The following PURG variants were observed in gnomAD, a reference collection of about 807,000 sequenced individuals.
PURG encodes purine-rich element-binding protein gamma.
Under a neutral mutation model 24.3 loss-of-function variants are expected in PURG, and 3 were observed. That is an observed-to-expected ratio of 0.12 (90% CI 0.06 to 0.32). PURG has a LOEUF of 0.32. Among genes scored for constraint, PURG ranks in the 10% least tolerant of loss-of-function variants. The pLI is 1.00. For synonymous variants in PURG, 180 were observed against 173.1 expected, an observed-to-expected ratio of 1.04 and a Z score of -0.31; for missense variants, 371 against 439.1, an observed-to-expected ratio of 0.84 and a Z score of 1.39.
downstream of PURG, among the ~76,000 whole-genome samples, chr8:31,027,968 C>G (rs1248705292): frequency 6.6e-6 from 1 of 151,670 alleles, no homozygotes; most frequent in African/African-American, 2.4e-5. Context: ...TCTGAATGTT[C>G]TTTAAATAAT....
chr8:31,005,771 C>CTTTTTTTTT (rs67428647), intron 1 of PURG, among the ~76,000 whole-genome samples: 3 of 142,164 alleles, frequency 2.1e-5, no homozygotes, highest in African/African-American at 5.3e-5. Context: ...TTTCTTTTTT[C>CTTTTTTTTT]TTTTTTTTTT....
intron 1 of PURG, among the ~76,000 whole-genome samples, chr8:31,010,093 TC>T (rs1810736478): frequency 6.6e-6 from 1 of 151,892 alleles, no homozygotes; most frequent in Admixed American, 6.6e-5. Context: ...CAAGACCCTG[TC>T]TTGAAAAAAT....
intron 1 of PURG, among the ~76,000 whole-genome samples, chr8:31,004,043 T>A (rs1224945751): frequency 2.0e-5 from 3 of 152,216 alleles, no homozygotes; most frequent in Non-Finnish European, 4.4e-5. Context: ...ACCCTTTAGA[T>A]TTGTTGATAC....
intron 1 of PURG, among the ~76,000 whole-genome samples, chr8:31,003,384 C>T (rs934024510): frequency 1.7e-5 from 2 of 120,840 alleles, no homozygotes; most frequent in Admixed American, 8.6e-5. Context: ...CTTTTGGGTA[C>T]CATTATTTTT....
At chr8:31,023,351 T>C (rs373462797) in intron 1 of PURG, among the ~76,000 whole-genome samples, 15 of 152,016 alleles carry the variant, frequency 9.9e-5, no homozygotes, top group African/African-American at 3.6e-4. Context: ...CACTTGAAAA[T>C]ACACTTCAGT....
At chr8:31,023,921 A>C (rs1217011066) in intron 1 of PURG, among the ~76,000 whole-genome samples, 1 of 152,224 alleles carries the variant, frequency 6.6e-6, no homozygotes, top group African/African-American at 2.4e-5. Context: ...TCAGGAAGTG[A>C]TATTAATCTG....
At chr8:31,030,131 G>T (rs937961115), downstream of PURG, among the ~76,000 whole-genome samples, 1 of 151,870 alleles carries the variant, frequency 6.6e-6, no homozygotes, top group South Asian at 2.1e-4. Flanking sequence ...GTGACCTCAC[G>T]TAAAGGTATT....
intron 1 of PURG, among the ~76,000 whole-genome samples, chr8:31,005,438 CAA>C (rs55751618): frequency 7.4e-6 from 1 of 135,142 alleles, no homozygotes; most frequent in African/African-American, 3.0e-5. Context: ...GTCACCAAAA[CAA>C]AAAAAAAAAG....
intron 1 of PURG, among the ~76,000 whole-genome samples, chr8:31,010,863 T>A (rs1423634656): frequency 2.6e-5 from 4 of 152,330 alleles, no homozygotes; most frequent in African/African-American, 9.6e-5. Context: ...ACATTCTTTT[T>A]ATATTTAATT....
chr8:31,001,647 T>C lies in PURG; in HGVS notation c.865-4950A>G, dbSNP rs191996077. Among the ~76,000 whole-genome samples, 384 of 152,304 alleles carry C rather than the reference T, an allele frequency of 2.5e-3. 1 individual carries two copies. The highest frequency in any genetic ancestry group is 8.7e-3 in the African/African-American group (363 of 41,566). On this transcript the variant is annotated intron_variant, in intron 1 of 1. Coordinates refer to the PURG transcript ENST00000339382. ...GCAAAATAAATATCTATTGATTTAA[T>C]GAATGAATGAGAAATGAGACTGAGA...
chr8:31,002,078 C>A (rs1810547853), intron 1 of PURG, among the ~76,000 whole-genome samples: 1 of 152,114 alleles, frequency 6.6e-6, no homozygotes, highest in Non-Finnish European at 1.5e-5. Context: ...CTCATAGCTG[C>A]AATCATTAAC....
chr8:31,027,328 G>A (rs1436618725), downstream of PURG, among the ~76,000 whole-genome samples: 1 of 151,386 alleles, frequency 6.6e-6, no homozygotes, highest in Non-Finnish European at 1.5e-5. Flanking sequence ...CTTACATAAA[G>A]CTTTGAATAG....
chr8:31,023,385 A>G (rs1172987628), intron 1 of PURG, among the ~76,000 whole-genome samples: 2 of 152,126 alleles, frequency 1.3e-5, no homozygotes, highest in Non-Finnish European at 2.9e-5. Flanking sequence ...AGTCTCTGAT[A>G]AACAAATAGG....
At chr8:31,022,705 A>T (rs1563309013) in intron 1 of PURG, among the ~76,000 whole-genome samples, 1 of 152,238 alleles carries the variant, frequency 6.6e-6, no homozygotes, top group Non-Finnish European at 1.5e-5. Context: ...TTTACAACTG[A>T]TTATAACATG....
At position 31,032,166 on chromosome 8, in the gene PURG, G is replaced by C; in HGVS notation, c.617C>G (p.Thr206Ser). ...GTGGCCAAAATAACCTATCATGCCAGTCCCCCGCATCATGGTTTGTCTAAT... is the reference window on the plus strand; with the variant it reads ...GTGGCCAAAATAACCTATCATGCCACTCCCCCGCATCATGGTTTGTCTAAT... ...LRIRQTMMRG[T>S]GMIGYFGHSL... is the part of the protein sequence containing the mutation. The change falls in exon 2 of 2, where the codon ACT becomes AGT. Residue 206 changes from threonine to serine, a missense_variant. By Grantham distance (58) the Thr-to-Ser change is moderately conservative (BLOSUM62 1). Transcript: ENST00000523392. The surrounding 1 kb of genome is among the most constrained non-coding windows in gnomAD (Gnocchi z 5.9). 6.2e-7 allele frequency: 1 copy of C among 1,614,180 alleles called. No homozygotes were observed. The highest frequency in any genetic ancestry group is 8.5e-7 in the Non-Finnish European group (1 of 1,180,012).
rs112337823 is a variant in PURG, at chr8:31,021,608, T to A, written c.864+10311A>T. 4.0e-5 allele frequency among the ~76,000 whole-genome samples: 6 copies of A among 151,844 alleles called. 1 individual carries two copies. The highest frequency in any genetic ancestry group is 1.4e-4 in the African/African-American group (6 of 41,470). Reference sequence around the variant, plus strand: ...GCAGATGTATAGTGGCGGCTGGGGGTAGACTGTGCTTTATTAGAGTTGGAA... The same window carrying A: ...GCAGATGTATAGTGGCGGCTGGGGGAAGACTGTGCTTTATTAGAGTTGGAA... On this transcript the variant is annotated intron_variant, in intron 1 of 1. Coordinates refer to the PURG transcript ENST00000339382.
chr8:31,006,564 TCAGA>T (rs1400279001), intron 1 of PURG, among the ~76,000 whole-genome samples: 26 of 152,024 alleles, frequency 1.7e-4, no homozygotes, highest in African/African-American at 6.3e-4. Flanking sequence ...TCATCAGAAG[TCAGA>T]CAATTATTTC....
chr8:31,020,246 T>A (rs1033194244), intron 1 of PURG, among the ~76,000 whole-genome samples: 12 of 152,198 alleles, frequency 7.9e-5, no homozygotes, highest in Admixed American at 7.9e-4. Context: ...CATTTATATA[T>A]CTTGAGATAA....
Position 31,016,585 on chromosome 8 carries a change from A to C in PURG, c.864+15334T>G, listed in dbSNP as rs1332897541. Among the ~76,000 whole-genome samples the C allele has an allele frequency of 2.5e-4, 35 of 138,456 alleles. 2 individuals are homozygous for C. The highest frequency in any genetic ancestry group is 7.2e-4 in the African/African-American group (27 of 37,304). The allele number at this position is 138,456 out of a possible 152,430, so 90.8% of individuals were successfully genotyped here. The stretch of plus-strand genomic sequence containing the variant: ...GAATGCAAGTCTACCAAGAACCAAA[A>C]AAAAAAAAAAAAAAAAAAAAAAAAG... On this transcript the variant is annotated intron_variant, in intron 1 of 1. Coordinates refer to the PURG transcript ENST00000339382.
Sources: allele counts gnomAD v4.1 joint callset (sites outside exome capture counted in the v4.1 genomes callset), GRCh38; gene constraint gnomAD v4.1.1; non-coding constraint Gnocchi (gnomAD v3.1); transcripts MANE v1.5; gene names NCBI Gene and HGNC (gene_info 2026-07-23, HGNC 2026-07-21).